Variants in CPNE4 observed in about 807,000 individuals in gnomAD.
The protein encoded by CPNE4 is copine 4, also known as copine-4.
CPNE4 carries 25 observed loss-of-function variants against 67.9 expected under a neutral mutation model. The ratio of observed to expected loss-of-function variants is 0.37; its 90% CI spans 0.27 to 0.51. The LOEUF (loss-of-function observed/expected upper bound fraction) is 0.51. Among genes scored for constraint, CPNE4 ranks in the 20% least tolerant of loss-of-function variants. The pLI is 0.93. For missense variants in CPNE4, 464 were observed against 690.8 expected, an observed-to-expected ratio of 0.67 and a Z score of 3.68; for synonymous variants, 242 against 244.9, an observed-to-expected ratio of 0.99 and a Z score of 0.11.
chr3:131,899,027 A>G (rs1400079409), intron 2 of CPNE4, among the ~76,000 whole-genome samples: 1 of 152,098 alleles, frequency 6.6e-6, no homozygotes, highest in African/African-American at 2.4e-5. Context: ...GCAAGTCAAC[A>G]AAGTGTGAAC....
chr3:131,827,623 CTGT>C (rs1560411065), intron 2 of CPNE4, among the ~76,000 whole-genome samples: 1 of 152,058 alleles, frequency 6.6e-6, no homozygotes, highest in East Asian at 1.9e-4. Flanking sequence ...ACCACAATGG[CTGT>C]TATGCTTTAG....
intron 8 of CPNE4, among the ~76,000 whole-genome samples, chr3:131,586,655 T>C (rs1314357985): frequency 6.6e-6 from 1 of 152,098 alleles, no homozygotes; most frequent in Non-Finnish European, 1.5e-5. Flanking sequence ...CAGCTGGAAA[T>C]TGGGCAGGTG....
intron 7 of CPNE4, among the ~76,000 whole-genome samples, chr3:131,604,550 C>T (rs1024665780): frequency 1.3e-5 from 2 of 152,030 alleles, no homozygotes; most frequent in East Asian, 1.9e-4. Context: ...AATCAGCTGC[C>T]AGCAAATATA....
chr3:131,740,374 CT>C (rs1295376096), intron 2 of CPNE4, among the ~76,000 whole-genome samples: 3 of 152,224 alleles, frequency 2.0e-5, no homozygotes, highest in Non-Finnish European at 4.4e-5. Context: ...GATGTCTCCC[CT>C]GAACATCTTT....
intron 1 of CPNE4, among the ~76,000 whole-genome samples, chr3:131,959,299 C>T (rs72628543): frequency 2.5e-5 from 3 of 118,580 alleles, no homozygotes; most frequent in Admixed American, 9.3e-5. Flanking sequence ...CGCGCCCGGC[C>T]GATACACCTT....
At chr3:131,980,174 A>C (rs1293100531) in intron 1 of CPNE4, among the ~76,000 whole-genome samples, 1 of 152,144 alleles carries the variant, frequency 6.6e-6, no homozygotes, top group Non-Finnish European at 1.5e-5. Flanking sequence ...AAATGTGCCT[A>C]GGTGAATATC....
In CPNE4 at chr3:131,685,825, T is replaced by C. The variant is rs755027608; in HGVS notation, c.591+50A>G. 1.3e-5 allele frequency: 16 copies of C among 1,232,446 alleles called. No individual in the cohort carries two copies. In the Admixed American group the frequency reaches 3.1e-4, roughly 24 times the overall value. 76.3% of individuals were successfully genotyped at this position (1,232,446 alleles called of 1,614,324 possible). On this transcript the variant is annotated intron_variant, in intron 6 of 15. Coordinates refer to ENST00000429747, the MANE Select transcript of CPNE4 (RefSeq NM_130808.3). ...AAAGGAGTTTCTCAAAATAGGTCAA[T>C]TTATCATCATCTTAGGAGATAAGAG...
At chr3:131,994,329 G>A (rs76632360) in intron 1 of CPNE4, among the ~76,000 whole-genome samples, 1,700 of 135,420 alleles carry the variant, frequency 0.013, 401 homozygotes, top group Middle Eastern at 0.062. Flanking sequence ...ATAAACTTAC[G>A]TAAGAGAAAT....
chr3:131,687,413 T>G (rs1421102781), intron 5 of CPNE4, among the ~76,000 whole-genome samples: 8 of 152,194 alleles, frequency 5.3e-5, no homozygotes, highest in African/African-American at 1.9e-4. Context: ...AATAAGTGAA[T>G]GGATACCTGG....
chr3:131,623,538 C>A (rs929169450), intron 7 of CPNE4, among the ~76,000 whole-genome samples: 22 of 152,174 alleles, frequency 1.4e-4, no homozygotes, highest in African/African-American at 5.1e-4. Flanking sequence ...TTACTCCTGG[C>A]AGGTGCTTCT....
In CPNE4 at chr3:131,882,723, A is replaced by ATTT. The variant is rs534737633; in HGVS notation, c.180+22538_180+22540dup. On this transcript the variant is annotated intron_variant, in intron 2 of 15. Coordinates refer to ENST00000429747, the MANE Select transcript of CPNE4 (RefSeq NM_130808.3). ...ACAAAAGTAATTGCAGTTCTGCTCTATTTTTTTTTTTTTTTTGAGACGGAG... is the reference window on the plus strand; with the variant it reads ...ACAAAAGTAATTGCAGTTCTGCTCTATTTTTTTTTTTTTTTTTTTGAGACGGAG... Among the ~76,000 whole-genome samples, 9 of 136,162 alleles carry ATTT rather than the reference A, an allele frequency of 6.6e-5. 1 individual carries two copies. Among genetic ancestry groups the ATTT allele is most frequent in the Non-Finnish European group, 1.1e-4 (7 of 64,006 alleles). The allele number at this position is 136,162 out of a possible 152,430, so 89.3% of individuals were successfully genotyped here. A position where few individuals can be genotyped will look rare whatever the true frequency, so the allele number is the denominator to read the frequency against.
At chr3:131,758,746 C>G (rs1298815759) in intron 2 of CPNE4, among the ~76,000 whole-genome samples, 2 of 152,012 alleles carry the variant, frequency 1.3e-5, no homozygotes, top group African/African-American at 2.4e-5. Flanking sequence ...TGGGAGGGAC[C>G]CAGGGGGAGG....
intron 10 of CPNE4, among the ~76,000 whole-genome samples, chr3:131,569,156 T>G (rs966703052): frequency 6.6e-6 from 1 of 152,036 alleles, no homozygotes; most frequent in East Asian, 1.9e-4. Flanking sequence ...CATTTGCCTC[T>G]TTAACCCATT....
At chr3:131,885,749 T>A (rs1185880670) in intron 2 of CPNE4, among the ~76,000 whole-genome samples, 1 of 151,976 alleles carries the variant, frequency 6.6e-6, no homozygotes, top group Non-Finnish European at 1.5e-5. Flanking sequence ...GTCCATGTGA[T>A]CTCATTGTTC....
intron 2 of CPNE4, among the ~76,000 whole-genome samples, chr3:131,796,845 T>A (rs1409175167): frequency 6.6e-6 from 1 of 152,252 alleles, no homozygotes; most frequent in Admixed American, 6.5e-5. Flanking sequence ...CTCACTGCCA[T>A]TGCTTTGTGG....
intron 1 of CPNE4, among the ~76,000 whole-genome samples, chr3:131,957,639 C>T (rs2072016534): frequency 6.6e-6 from 1 of 152,168 alleles, no homozygotes; most frequent in Admixed American, 6.5e-5. Context: ...CCTTCCAGTT[C>T]CCTCACTTAG....
intron 1 of CPNE4, among the ~76,000 whole-genome samples, chr3:131,925,005 T>C (rs1334533914): frequency 6.6e-6 from 1 of 152,160 alleles, no homozygotes; most frequent in East Asian, 1.9e-4. Context: ...CAAGCACTGA[T>C]TGCAAGATTT....
intron 2 of CPNE4, among the ~76,000 whole-genome samples, chr3:131,779,947 G>A (rs1363313166): frequency 6.6e-6 from 1 of 151,982 alleles, no homozygotes; most frequent in Admixed American, 6.6e-5. Flanking sequence ...ATCTGACAAA[G>A]GTCTAATATC....
At chr3:131,550,536 A>C (rs146521607) in intron 13 of CPNE4, among the ~76,000 whole-genome samples, 4 of 152,204 alleles carry the variant, frequency 2.6e-5, no homozygotes, top group African/African-American at 7.2e-5. Flanking sequence ...TCAATGTTGC[A>C]CTTGTTTCCA....
Sources: gnomAD v4.1 joint callset for allele counts (sites outside exome capture counted in the v4.1 genomes callset) on GRCh38, gnomAD v4.1.1 for gene constraint, MANE v1.5 for transcripts, NCBI Gene and HGNC (gene_info 2026-07-23, HGNC 2026-07-21) for gene names.